The following MGRN1 variants were observed in gnomAD, a reference collection of about 807,000 sequenced individuals.
MGRN1 encodes the protein E3 ubiquitin-protein ligase MGRN1.
MGRN1 carries 29 observed loss-of-function variants against 69.2 expected under a neutral mutation model. The observed-to-expected ratio is 0.42, with a 90% CI of 0.31 to 0.57. The LOEUF is 0.57. MGRN1 is among the 20% of genes least tolerant of loss of function. The pLI is 0.15. For synonymous variants in MGRN1, 470 were observed against 344.2 expected, an observed-to-expected ratio of 1.37 and a Z score of -4.04; for missense variants, 998 against 796.2, an observed-to-expected ratio of 1.25 and a Z score of -3.05.
At chr16:4,658,276 C>T (rs1280159564) in intron 5 of MGRN1, among the ~76,000 whole-genome samples, 5 of 151,646 alleles carry the variant, frequency 3.3e-5, no homozygotes, top group African/African-American at 9.7e-5. Context: ...TGGCTCATGC[C>T]TGTAATCCCA....
intron 7 of MGRN1, among the ~76,000 whole-genome samples, chr16:4,667,465 G>A (rs1456391672): frequency 2.6e-5 from 4 of 152,206 alleles, no homozygotes; most frequent in East Asian, 1.9e-4. Context: ...CAGAAGCCAC[G>A]GTGACTATTG....
intron 10 of MGRN1, 126 bp downstream of exon 10, chr16:4,673,783 T>C: frequency 8.1e-7 from 1 of 1,241,328 alleles, no homozygotes; most frequent in Non-Finnish European, 1.1e-6. Context: ...GTCATTCATC[T>C]AGTCTGTGCT....
intron 9 of MGRN1, 35 bp downstream of exon 9, chr16:4,671,494 C>T: frequency 6.3e-7 from 1 of 1,599,940 alleles, no homozygotes; most frequent in Non-Finnish European, 8.6e-7. Context: ...TCTGCCATTA[C>T]AGAAGCCCAC....
intron 1 of MGRN1, among the ~76,000 whole-genome samples, chr16:4,646,477 T>G (rs1186974957): frequency 1.3e-5 from 2 of 150,792 alleles, no homozygotes; most frequent in Non-Finnish European, 2.9e-5. Context: ...TGCCTGGGCA[T>G]GGAGGGGCTG....
intron 1 of MGRN1, chr16:4,649,624 G>A (rs2141876285): frequency 6.6e-6 from 1 of 152,370 alleles, no homozygotes. Flanking sequence ...AATCCAGTAT[G>A]ACCTCCTCTT....
intron 5 of MGRN1, chr16:4,664,392 G>T (rs918670159): frequency 2.5e-6 from 1 of 404,320 alleles, no homozygotes; most frequent in South Asian, 2.8e-5. Context: ...TGATGGCTAC[G>T]TGTGGGGTTT....
rs772672492 is a variant in MGRN1, at chr16:4,664,128, C to T, written c.562-581C>T. 4.4e-5 allele frequency: 7 copies of T among 159,144 alleles called. No homozygotes were observed. In the South Asian group the frequency reaches 5.1e-4, roughly 12 times the overall value. 9.9% of individuals were successfully genotyped at this position (159,144 alleles called of 1,614,324 possible). The stretch of plus-strand genomic sequence containing the variant: ...CCGTAGCCAGGACACAGGCCCAGCC[C>T]GGTGTCCGTCGCAAAGGAACGCGTG... On this transcript the variant is annotated intron_variant, in intron 5 of 16. Transcript: ENST00000262370.
intron 11 of MGRN1, 144 bp from the exon 12 acceptor site, chr16:4,679,888 A>T (rs1239298613): frequency 3.9e-6 from 3 of 764,874 alleles, no homozygotes; most frequent in Non-Finnish European, 6.5e-6. Context: ...CTCACTTAGG[A>T]CAGTCCCGAG....
intron 4 of MGRN1, among the ~76,000 whole-genome samples, chr16:4,655,691 C>T (rs1455573053): frequency 6.6e-6 from 1 of 152,220 alleles, no homozygotes; most frequent in Admixed American, 6.5e-5. Context: ...GGCCAGCTTC[C>T]CCTCCCAGCA....
intron 16 of MGRN1, chr16:4,687,000 C>T (rs147860120): frequency 2.5e-4 from 250 of 985,578 alleles, no homozygotes; most frequent in Non-Finnish European, 3.0e-4. Flanking sequence ...TCCGCTCACA[C>T]AGCCACCTGC....
At chr16:4,678,047 A>G (rs952194286) in intron 11 of MGRN1, among the ~76,000 whole-genome samples, 12 of 151,774 alleles carry the variant, frequency 7.9e-5, no homozygotes, top group African/African-American at 2.7e-4. Flanking sequence ...GGGGTTTCCC[A>G]TGTTGCCCAG....
At chr16:4,637,839 A>C (rs542088367) in intron 1 of MGRN1, among the ~76,000 whole-genome samples, 1 of 152,370 alleles carries the variant, frequency 6.6e-6, no homozygotes, top group Non-Finnish European at 1.5e-5. Flanking sequence ...CCTTAGGGCC[A>C]ACCAGCCCTG....
At chr16:4,646,788 C>T (rs957180552) in intron 1 of MGRN1, among the ~76,000 whole-genome samples, 11 of 152,220 alleles carry the variant, frequency 7.2e-5, no homozygotes, top group African/African-American at 2.7e-4. Flanking sequence ...CTTCTGCCTA[C>T]AGCGGGGGCT....
At chr16:4,688,523 C>A in intron 16 of MGRN1, 1 of 1,233,214 alleles carries the variant, frequency 8.1e-7, no homozygotes, top group East Asian at 3.4e-5. Flanking sequence ...ACCGCGGTGC[C>A]GTGTCGCGCT....
intron 1 of MGRN1, among the ~76,000 whole-genome samples, chr16:4,641,111 C>G (rs530561179): frequency 2.6e-5 from 4 of 152,218 alleles, no homozygotes; most frequent in African/African-American, 9.6e-5. Flanking sequence ...TCCTCCACCC[C>G]CTTGGCAGCG....
chr16:4,684,856 C>T (rs568998914), intron 16 of MGRN1, among the ~76,000 whole-genome samples: 2 of 152,360 alleles, frequency 1.3e-5, no homozygotes, highest in East Asian at 1.9e-4. Flanking sequence ...TCTTCCCTCG[C>T]GGCTGCCAGG....
intron 10 of MGRN1, 72 bp downstream of exon 10, chr16:4,673,729 G>C: frequency 6.4e-7 from 1 of 1,555,480 alleles, no homozygotes; most frequent in Non-Finnish European, 8.7e-7. Flanking sequence ...GGTGGTCCTG[G>C]GATAGGGGGC....
intron 9 of MGRN1, among the ~76,000 whole-genome samples, chr16:4,673,012 G>C (rs981669708): frequency 5.3e-5 from 8 of 152,054 alleles, no homozygotes; most frequent in African/African-American, 1.7e-4. Flanking sequence ...CTAATTTTTT[G>C]TATTTTTAGT....
At chr16:4,645,215 C>T (rs2078249972) in intron 1 of MGRN1, among the ~76,000 whole-genome samples, 1 of 151,812 alleles carries the variant, frequency 6.6e-6, no homozygotes, top group Non-Finnish European at 1.5e-5. Context: ...GGCTGGAGTG[C>T]AGTGTGGTGT....
Sources: allele counts gnomAD v4.1 joint callset (sites outside exome capture counted in the v4.1 genomes callset), GRCh38; gene constraint gnomAD v4.1.1; transcripts MANE v1.5; gene names NCBI Gene and HGNC (gene_info 2026-07-23, HGNC 2026-07-21).